The following TRPV4 variants were observed in gnomAD, a reference collection of about 807,000 sequenced individuals.
The protein encoded by TRPV4 is OSM9-like transient receptor potential channel 4.
Under a neutral mutation model 84.1 loss-of-function variants are expected in TRPV4, and 58 were observed. The observed-to-expected ratio is 0.69, with a 90% confidence interval of 0.56 to 0.86. The LOEUF is 0.86. Ranked by LOEUF, TRPV4 falls within the 40% of genes least tolerant of loss-of-function variation. The pLI is 0.00. For synonymous variants in TRPV4, 489 were observed against 500.9 expected (o/e 0.98, Z 0.32); for missense variants, 879 against 1,181.1 (o/e 0.74, Z 3.75).
intron 3 of TRPV4, among the ~76,000 whole-genome samples, chr12:109,804,561 A>G (rs12305872): frequency 0.021 from 3,129 of 152,308 alleles, 103 homozygotes; most frequent in African/African-American, 0.071. Context: ...GCTGTTATCA[A>G]TCCATGAGAC....
intron 1 of TRPV4, among the ~76,000 whole-genome samples, chr12:109,830,782 G>A (rs538649490): frequency 6.6e-6 from 1 of 152,270 alleles, no homozygotes; most frequent in East Asian, 1.9e-4. Context: ...CATCCCCCTA[G>A]GAACAGAGGA....
intron 4 of TRPV4, among the ~76,000 whole-genome samples, chr12:109,801,598 T>C (rs1258561219): frequency 6.6e-6 from 1 of 152,180 alleles, no homozygotes; most frequent in Non-Finnish European, 1.5e-5. Context: ...AATTATCCAG[T>C]CTTGGGCAGT....
In TRPV4 at chr12:109,793,723, G is replaced by A. The variant is rs1249973472; in HGVS notation, c.1585-123C>T. On this transcript the variant is annotated intron_variant, in intron 9 of 15. Coordinates refer to ENST00000261740, the MANE Select transcript of TRPV4 (RefSeq NM_021625.5). The surrounding 1 kb of genome is among the most constrained non-coding windows in gnomAD (Gnocchi z 4.0). ...AGGCTGGTACAGAGAAAAGACAAAG[G>A]ACTCTTTCCTGTTAGAAAAGGAGAA... 8.7e-6 allele frequency: 8 copies of A among 920,612 alleles called. No individual in the cohort carries two copies. The South Asian group carries it at 1.1e-4, about 13-fold the overall frequency. The allele number at this position is 920,612 out of a possible 1,614,324, so 57.0% of individuals were successfully genotyped here.
chr12:109,792,207 C>A (rs535493914), intron 12 of TRPV4, among the ~76,000 whole-genome samples, 156 bp downstream of exon 12: 7 of 146,648 alleles, frequency 4.8e-5, no homozygotes, highest in Admixed American at 3.5e-4. Context: ...TGTGCCATTG[C>A]ACTCCAGCCC....
At chr12:109,803,277 T>A (rs1592846971) in intron 3 of TRPV4, 134 bp from the exon 4 acceptor site, 2 of 1,120,052 alleles carry the variant, frequency 1.8e-6, no homozygotes, top group East Asian at 5.2e-5. Context: ...GCCTGTTTCC[T>A]CATCTGTCCA....
At chr12:109,816,623 C>T (rs1891859286) in intron 1 of TRPV4, among the ~76,000 whole-genome samples, 2 of 152,078 alleles carry the variant, frequency 1.3e-5, no homozygotes, top group African/African-American at 2.4e-5. Flanking sequence ...ATAAAAAATA[C>T]AAAAATTAGC....
rs141908793 is a variant in TRPV4, at chr12:109,808,306, C to G, written c.549G>C (p.Glu183Asp). ...ATCTGGGTGGCTCACCTCGAAACTC[C>G]TCATCAGTTAGGCGTTTCTTGTGGG... is the stretch of plus-strand genomic sequence containing the variant. Reference protein sequence around the residue: ...LLTHKKRLTDEEFREPSTGKT... With the variant: ...LLTHKKRLTDDEFREPSTGKT... The change falls in exon 3 of 16, where the codon GAG (glutamate) becomes GAC (aspartate). Residue 183 changes from glutamate to aspartate, a missense_variant. Around this residue, in one of 4 missense-constraint regions of TRPV4, gnomAD observed 521 missense variants for 686.6 expected, o/e 0.76. Coordinates refer to ENST00000261740, the MANE Select transcript of TRPV4 (RefSeq NM_021625.5). The G allele has an allele frequency of 6.2e-7, 1 of 1,614,194 alleles. No homozygotes were observed. Among genetic ancestry groups the G allele is most frequent in the Non-Finnish European group, 8.5e-7 (1 of 1,180,022 alleles).
rs190345166 is a variant in TRPV4, at chr12:109,786,493, G to A, written c.2336+217C>T. Among the ~76,000 whole-genome samples, 12 of 152,352 alleles carry A rather than the reference G, an allele frequency of 7.9e-5. No homozygotes were observed. The East Asian group carries it at 2.1e-3, about 27-fold the overall frequency. On this transcript the variant is annotated intron_variant, in intron 14 of 15. Transcript: ENST00000261740. The surrounding 1 kb of genome is among the most constrained non-coding windows in gnomAD (Gnocchi z 4.5). ...CCGCACCGCCAGCCTAGGAGCCCGT[G>A]AGATCATTGTCTCATTCCACAGATG... is the stretch of plus-strand genomic sequence containing the variant.
intron 12 of TRPV4, among the ~76,000 whole-genome samples, chr12:109,790,005 C>T (rs1240239120): frequency 6.6e-6 from 1 of 152,174 alleles, no homozygotes; most frequent in Non-Finnish European, 1.5e-5. Flanking sequence ...CCTTGTTTCT[C>T]CTTAGTTTCA....
Position 109,803,137 on chromosome 12 carries a change from G to C in TRPV4, c.566C>G (p.Ser189Cys), listed in dbSNP as rs750640446. 1 of 1,614,024 alleles carries C rather than the reference G, an allele frequency of 6.2e-7. No individual in the cohort carries two copies. Among genetic ancestry groups the C allele is most frequent in the South Asian group, 1.1e-5 (1 of 91,090 alleles). Residue 189 changes from serine (S) to cysteine (C), a missense_variant, in exon 4 of 16, where the codon TCT (serine) becomes TGT (cysteine). Coordinates refer to ENST00000261740, the MANE Select transcript of TRPV4 (RefSeq NM_021625.5). The part of the protein sequence containing the change: ...RLTDEEFREP[S>C]TGKTCLPKAL... ...CTTGGGCAGGCAGGTCTTCCCCGTA[G>C]ATGGCTCTAGCAAGAGAGACACACA...
chr12:109,808,433 T>C lies in TRPV4; in HGVS notation c.422A>G (p.Gln141Arg), dbSNP rs1230278914. The change falls in exon 3 of 16, where the codon CAG becomes CGG. Residue 141 changes from glutamine to arginine, a missense_variant. Coordinates refer to ENST00000261740, the MANE Select transcript of TRPV4 (RefSeq NM_021625.5). Reference protein sequence around the residue: ...QPQSPKAPAPQPPPILKVFNR... With the variant: ...QPQSPKAPAPRPPPILKVFNR... Reference sequence around the variant, plus strand: ...GAAGACTTTGAGGATGGGGGGCGGCTGAGGGGCAGGGGCTTTGGGGCTCTG... The same window carrying C: ...GAAGACTTTGAGGATGGGGGGCGGCCGAGGGGCAGGGGCTTTGGGGCTCTG... 1 of 1,613,802 alleles carries C rather than the reference T, an allele frequency of 6.2e-7. No individual in the cohort carries two copies. The highest frequency in any genetic ancestry group is 1.3e-5 in the African/African-American group (1 of 74,880).
chr12:109,827,906 A>C (rs1892312231), intron 1 of TRPV4, among the ~76,000 whole-genome samples: 1 of 152,026 alleles, frequency 6.6e-6, no homozygotes, highest in Non-Finnish European at 1.5e-5. Flanking sequence ...ACGCACATAC[A>C]CACGCACATC....
chr12:109,809,706 C>A (rs1891407143), intron 2 of TRPV4, among the ~76,000 whole-genome samples: 1 of 152,238 alleles, frequency 6.6e-6, no homozygotes, highest in South Asian at 2.1e-4. Context: ...TCCACTCACC[C>A]ACCCACTCAT....
rs542658660 is a variant in TRPV4 at position 109,786,287 on chromosome 12, C to T, written c.2336+423G>A. On this transcript the variant is annotated intron_variant, in intron 14 of 15. Transcript: ENST00000261740. The surrounding 1 kb of genome is among the most constrained non-coding windows in gnomAD (Gnocchi z 4.5). The stretch of plus-strand genomic sequence containing the variant: ...GCCCTGGAAACTGCACATTCCTCAG[C>T]TTCCCATTTCACCGAGGGCACTAGA... 5.8e-4 allele frequency among the ~76,000 whole-genome samples: 89 copies of T among 152,310 alleles called. 1 individual carries two copies. In the South Asian group the frequency reaches 0.017, roughly 29 times the overall value.
chr12:109,784,584 C>T (rs1565857885), intron 14 of TRPV4, 147 bp from the exon 15 acceptor site: 3 of 1,243,352 alleles, frequency 2.4e-6, no homozygotes, highest in Admixed American at 2.0e-5. Flanking sequence ...AATCCCAGCA[C>T]TTTGGGAGGC....
At position 109,803,055 on chromosome 12, in the gene TRPV4, G is replaced by A. The variant is rs201254881; in HGVS notation, c.648C>T (p.Ile216=). The A allele has an allele frequency of 1.9e-5, 30 of 1,614,060 alleles. No homozygotes were observed. Among genetic ancestry groups the A allele is most frequent in the Middle Eastern group, 1.6e-4 (1 of 6,084 alleles). ...RNDTIPVLLD[I]AERTGNMREF... is the part of the protein sequence containing the mutation. The stretch of plus-strand genomic sequence containing the variant: ...CCCTCATGTTGCCGGTGCGCTCCGC[G>A]ATGTCCAGCAGCACAGGGATGGTGT... The change falls in exon 4 of 16, where the codon ATC becomes ATT. Residue 216 remains isoleucine, a synonymous_variant. Transcript: ENST00000261740.
At chr12:109,784,464 G>A (rs1357713969) in intron 14 of TRPV4, 27 bp from the exon 15 acceptor site, 2 of 1,614,066 alleles carry the variant, frequency 1.2e-6, no homozygotes, top group South Asian at 1.1e-5. Flanking sequence ...AGAGGGTCAT[G>A]GGGAACCCCT....
At position 109,814,810 on chromosome 12, in the gene TRPV4, C is replaced by T. The variant is rs1344499241; in HGVS notation, c.-14G>A. Reference sequence around the variant, plus strand: ...GGAATCCGCCATGCCTGCCCCAGGCCCGTCTGCACTGCTCAGCCTGCAAGG... The same window carrying T: ...GGAATCCGCCATGCCTGCCCCAGGCTCGTCTGCACTGCTCAGCCTGCAAGG... On this transcript the variant is annotated 5_prime_UTR_variant, in exon 2 of 16. Transcript: ENST00000261740. This position sits in a 1 kb window ranked among gnomAD's most constrained non-coding sequence, Gnocchi z 5.4. 20 of 1,537,282 alleles carry T rather than the reference C, an allele frequency of 1.3e-5. No homozygotes were observed. The highest frequency in any genetic ancestry group is 1.7e-5 in the Non-Finnish European group (20 of 1,146,848).
At chr12:109,805,450 G>C (rs1289409650) in intron 3 of TRPV4, among the ~76,000 whole-genome samples, 1 of 152,194 alleles carries the variant, frequency 6.6e-6, no homozygotes, top group Non-Finnish European at 1.5e-5. Flanking sequence ...TGCAGTTCCA[G>C]GAACCAGCCA....
Sources: gnomAD v4.1 joint callset for allele counts (sites outside exome capture counted in the v4.1 genomes callset) on GRCh38, gnomAD v4.1.1 for gene constraint, gnomAD v4.1.1 regional missense constraint, Gnocchi (gnomAD v3.1) non-coding constraint, MANE v1.5 for transcripts, NCBI Gene and HGNC (gene_info 2026-07-23, HGNC 2026-07-21) for gene names.